The following ADAM22 variants were observed in gnomAD, a reference collection of about 807,000 sequenced individuals.
The protein encoded by ADAM22 is ADAM metallopeptidase domain 22, also known as disintegrin and metalloproteinase domain-containing protein 22.
Under a neutral mutation model 144.6 loss-of-function variants are expected in ADAM22, and 65 were observed. The ratio of observed to expected loss-of-function variants is 0.45; its 90% CI spans 0.37 to 0.55. ADAM22 has a LOEUF of 0.55. ADAM22 is among the 20% of genes least tolerant of loss of function. The probability of loss-of-function intolerance (pLI) is 0.00; values close to 1 mark genes in which losing one functional copy is unlikely to be tolerated. For missense variants in ADAM22, 974 were observed against 1,184.9 expected (o/e 0.82, Z 2.61); for synonymous variants, 391 against 412.6 (o/e 0.95, Z 0.63).
intron 21 of ADAM22, among the ~76,000 whole-genome samples, chr7:88,153,992 CTAAT>C (rs1839196337): frequency 6.6e-6 from 1 of 152,138 alleles, no homozygotes; most frequent in African/African-American, 2.4e-5. Flanking sequence ...TTCCACATGA[CTAAT>C]TAATAGTGAG....
At chr7:87,973,854 C>T (rs916339199) in intron 2 of ADAM22, among the ~76,000 whole-genome samples, 8 of 151,828 alleles carry the variant, frequency 5.3e-5, no homozygotes, top group African/African-American at 1.2e-4. Flanking sequence ...AACCAAACAC[C>T]GCATATTCTC....
At chr7:88,085,550 A>G (rs1818218553) in intron 4 of ADAM22, among the ~76,000 whole-genome samples, 1 of 152,200 alleles carries the variant, frequency 6.6e-6, no homozygotes, top group Non-Finnish European at 1.5e-5. Context: ...ACTGTCTTGA[A>G]CAACAACAAC....
chr7:88,110,655 C>CT (rs978365767), intron 5 of ADAM22, among the ~76,000 whole-genome samples: 6 of 148,844 alleles, frequency 4.0e-5, no homozygotes, highest in Non-Finnish European at 8.9e-5. Flanking sequence ...CTTTTCTTTT[C>CT]TTTTTTTTCT....
chr7:88,114,760 A>G (rs1827336114), intron 6 of ADAM22, 113 bp downstream of exon 6: 7 of 934,332 alleles, frequency 7.5e-6, no homozygotes, highest in Non-Finnish European at 9.6e-6. Context: ...TAGGGTTAAG[A>G]TAGTAAACAT....
chr7:88,147,929 G>C (rs1014605923), intron 17 of ADAM22, among the ~76,000 whole-genome samples: 1 of 152,132 alleles, frequency 6.6e-6, no homozygotes. Context: ...GATGAGCAGG[G>C]TTCTTGTGTT....
intron 2 of ADAM22, among the ~76,000 whole-genome samples, chr7:87,942,050 T>A (rs1324792392): frequency 1.3e-5 from 2 of 151,998 alleles, no homozygotes; most frequent in Non-Finnish European, 2.9e-5. Flanking sequence ...TGGGGCTAAT[T>A]AGATAGGGCC....
At chr7:88,155,539 A>AG (rs1268237391) in intron 21 of ADAM22, among the ~76,000 whole-genome samples, 37 of 150,770 alleles carry the variant, frequency 2.5e-4, no homozygotes, top group Admixed American at 2.3e-3. Flanking sequence ...AAAAAAAAAA[A>AG]AAGAAGAAGA....
intron 3 of ADAM22, among the ~76,000 whole-genome samples, chr7:88,052,166 C>A (rs1362025969): frequency 2.0e-5 from 3 of 151,900 alleles, no homozygotes; most frequent in Non-Finnish European, 4.4e-5. Context: ...AGTTGAGTAC[C>A]ATGAAGAAAA....
rs1010653298 is a variant in ADAM22, at chr7:87,987,116, TG to T, written c.323+8705del. Among the ~76,000 whole-genome samples the T allele has an allele frequency of 6.8e-4, 103 of 152,330 alleles. 1 individual carries two copies. Among genetic ancestry groups the T allele is most frequent in the African/African-American group, 2.2e-3 (93 of 41,570 alleles). Reference sequence around the variant, plus strand: ...TTTTGAGATTTTTACAGTGATTAGATGTGTTAAAGATTAAATCATCAGAGCT... The same window carrying T: ...TTTTGAGATTTTTACAGTGATTAGATTGTTAAAGATTAAATCATCAGAGCT... On this transcript the variant is annotated intron_variant, in intron 3 of 31. Coordinates refer to ENST00000413139, the MANE Select transcript of ADAM22 (RefSeq NM_001324418.2).
intron 3 of ADAM22, among the ~76,000 whole-genome samples, chr7:88,009,921 C>T (rs1218587968): frequency 6.6e-6 from 1 of 152,150 alleles, no homozygotes; most frequent in Non-Finnish European, 1.5e-5. Flanking sequence ...CTTTACTGTA[C>T]ACAATAGTGA....
intron 3 of ADAM22, among the ~76,000 whole-genome samples, chr7:87,994,279 G>A (rs1347146331): frequency 6.6e-6 from 1 of 151,826 alleles, no homozygotes; most frequent in Non-Finnish European, 1.5e-5. Flanking sequence ...TCCTGCCTCA[G>A]CCTCGTGAGT....
chr7:88,090,913 T>C (rs1323341127), intron 4 of ADAM22, among the ~76,000 whole-genome samples: 1 of 152,206 alleles, frequency 6.6e-6, no homozygotes, highest in Non-Finnish European at 1.5e-5. Context: ...CATTTTTAAA[T>C]AGTGAATTGT....
rs1334524383 is a variant in ADAM22 at position 88,125,664 on chromosome 7, G to A, written c.678+5G>A. The A allele has an allele frequency of 1.3e-6, 2 of 1,584,700 alleles. No individual in the cohort carries two copies. The highest frequency in any genetic ancestry group is 1.9e-5 in the Admixed American group (1 of 53,880). ...CCAAAAAGGAGTAAACGGCAGGTATGTATTCACAGTGGTGTGTCGTGTTAT... is the reference window on the plus strand; with the variant it reads ...CCAAAAAGGAGTAAACGGCAGGTATATATTCACAGTGGTGTGTCGTGTTAT... On this transcript the variant is annotated splice_donor_5th_base_variant and intron_variant, in intron 8 of 31. Transcript: ENST00000413139.
intron 5 of ADAM22, among the ~76,000 whole-genome samples, chr7:88,113,705 T>TAAATAAATAAATAAATAA (rs67396318): frequency 3.0e-5 from 2 of 67,174 alleles, no homozygotes; most frequent in South Asian, 5.2e-4. Context: ...AATAAATAAA[T>TAAATAAATAAATAAATAA]ATATATATAT....
chr7:88,193,187 C>CA lies in ADAM22; in HGVS notation c.2824dup (p.Met942AsnfsTer6). 1 of 1,614,124 alleles carries CA rather than the reference C, an allele frequency of 6.2e-7. No individual in the cohort carries two copies. Among genetic ancestry groups the CA allele is most frequent in the Non-Finnish European group, 8.5e-7 (1 of 1,179,972 alleles). ...GCCTCCAGCAGAAAATACCCTTACC[C>CA]AATGCCTCCACTTCCTGATGAGGAC... On this transcript the variant is annotated frameshift_variant, in exon 31 of 32. Transcript: ENST00000413139. LOFTEE classifies it high-confidence loss of function.
At chr7:87,965,487 C>T (rs1461803160) in intron 2 of ADAM22, among the ~76,000 whole-genome samples, 1 of 152,226 alleles carries the variant, frequency 6.6e-6, no homozygotes, top group East Asian at 1.9e-4. Context: ...AGTTTCATTC[C>T]TTAGTCCTAG....
chr7:88,109,630 C>T (rs1372831924), intron 5 of ADAM22, among the ~76,000 whole-genome samples: 2 of 151,446 alleles, frequency 1.3e-5, no homozygotes, highest in African/African-American at 4.9e-5. Context: ...GATTGAAACA[C>T]AAGTCCTGGG....
At chr7:88,111,368 T>G (rs909583607) in intron 5 of ADAM22, among the ~76,000 whole-genome samples, 1 of 100,874 alleles carries the variant, frequency 9.9e-6, no homozygotes, top group Non-Finnish European at 2.0e-5. Context: ...AAGTGCGTAC[T>G]GTTTTTTTTT....
intron 7 of ADAM22, among the ~76,000 whole-genome samples, chr7:88,117,378 T>A (rs1436525217): frequency 1.3e-5 from 2 of 152,228 alleles, no homozygotes; most frequent in Admixed American, 1.3e-4. Context: ...TAGACAAATG[T>A]CAAAAATACA....
Sources: gnomAD v4.1 joint callset for allele counts (sites outside exome capture counted in the v4.1 genomes callset) on GRCh38, gnomAD v4.1.1 for gene constraint, MANE v1.5 for transcripts, NCBI Gene and HGNC (gene_info 2026-07-23, HGNC 2026-07-21) for gene names.